Variants in BCAS3 observed in about 807,000 individuals in gnomAD.
The protein encoded by BCAS3 is BCAS4/BCAS3 fusion.
BCAS3 carries 53 observed loss-of-function variants against 116.1 expected under a neutral mutation model. That is an observed-to-expected ratio of 0.46 (90% CI 0.37 to 0.57). BCAS3 has a LOEUF of 0.57. Among genes scored for constraint, BCAS3 ranks in the 20% least tolerant of loss-of-function variants. The probability of loss-of-function intolerance (pLI) is 0.00; values close to 1 mark genes in which losing one functional copy is unlikely to be tolerated. For missense variants in BCAS3, 917 were observed against 1,165.4 expected (o/e 0.79, Z 3.10); for synonymous variants, 391 against 408.2 (o/e 0.96, Z 0.51).
Position 61,034,722 on chromosome 17 carries a change from G to A in BCAS3, c.1694G>A (p.Cys565Tyr). 1.2e-6 allele frequency: 2 copies of A among 1,612,700 alleles called. No individual in the cohort carries two copies. Among genetic ancestry groups the A allele is most frequent in the Non-Finnish European group, 1.7e-6 (2 of 1,178,962 alleles). ...AGCAAATCGATGGGCGGAGAATTTT[G>A]TGTGGCTGCTATCTTCGGAACATCC... is the stretch of plus-strand genomic sequence containing the variant. ...SPSKSMGGEF[C>Y]VAAIFGTSRS... Residue 565 changes from cysteine (C) to tyrosine (Y), a missense_variant, in exon 17 of 24, where the codon TGT becomes TAT. By Grantham distance (194) the Cys-to-Tyr change is radical. Transcript: ENST00000407086. This position sits in a 1 kb window ranked among gnomAD's most constrained non-coding sequence, Gnocchi z 5.0.
chr17:61,209,965 C>T (rs535533858), intron 22 of BCAS3, among the ~76,000 whole-genome samples: 1 of 152,278 alleles, frequency 6.6e-6, no homozygotes, highest in East Asian at 1.9e-4. Context: ...GGTGGCTTCC[C>T]TGGATCATTT....
intron 4 of BCAS3, among the ~76,000 whole-genome samples, chr17:60,698,318 A>G: frequency 6.6e-6 from 1 of 152,142 alleles, no homozygotes; most frequent in Non-Finnish European, 1.5e-5. Context: ...GAATAATATA[A>G]CATTTCTACA....
rs147372083 is a variant in BCAS3, at chr17:61,184,987, G to A, written c.2425+100423G>A. Among the ~76,000 whole-genome samples the A allele has an allele frequency of 7.9e-3, 1,199 of 151,974 alleles. 5 individuals carry two copies. The highest frequency in any genetic ancestry group is 0.012 in the Non-Finnish European group (795 of 67,904). The stretch of plus-strand genomic sequence containing the variant: ...GATAAGGGGACTTTTTGGAGTGATG[G>A]AAATATTCTATATCTTGATTATAGT... On this transcript the variant is annotated intron_variant, in intron 22 of 23. Transcript: ENST00000407086.
At chr17:61,260,736 AT>A (rs2049131243) in intron 22 of BCAS3, among the ~76,000 whole-genome samples, 1 of 152,266 alleles carries the variant, frequency 6.6e-6, no homozygotes, top group Non-Finnish European at 1.5e-5. Context: ...ACCGACTAAC[AT>A]AGTTTAGTAA....
In BCAS3 at chr17:61,208,801, C is replaced by T. The variant is rs922926882; in HGVS notation, c.2425+124237C>T. Reference sequence around the variant, plus strand: ...GCCCTTGTCAGCTCGCTGGTGCTCTCTGCAAACTTGCAGTGCAAGTCTATG... The same window carrying T: ...GCCCTTGTCAGCTCGCTGGTGCTCTTTGCAAACTTGCAGTGCAAGTCTATG... On this transcript the variant is annotated intron_variant, in intron 22 of 23. Coordinates refer to ENST00000407086, the MANE Select transcript of BCAS3 (RefSeq NM_017679.5). The surrounding 1 kb of genome is among the most constrained non-coding windows in gnomAD (Gnocchi z 4.5). 6.6e-6 allele frequency among the ~76,000 whole-genome samples: 1 copy of T among 151,152 alleles called. No individual in the cohort carries two copies. Among genetic ancestry groups the T allele is most frequent in the Non-Finnish European group, 1.5e-5 (1 of 67,960 alleles).
intron 22 of BCAS3, among the ~76,000 whole-genome samples, chr17:61,274,242 GAAT>G (rs994113906): frequency 5.4e-5 from 8 of 148,494 alleles, no homozygotes; most frequent in African/African-American, 1.7e-4. Context: ...AGTTTGCTGA[GAAT>G]GATGGTTGTG....
intron 22 of BCAS3, among the ~76,000 whole-genome samples, chr17:61,129,998 AG>A (rs1156375702): frequency 6.6e-6 from 1 of 152,226 alleles, no homozygotes; most frequent in East Asian, 1.9e-4. Flanking sequence ...CTTGTTTTGT[AG>A]CTTTTTGTTT....
chr17:61,005,104 T>A (rs1314609670), intron 15 of BCAS3, among the ~76,000 whole-genome samples: 1 of 152,060 alleles, frequency 6.6e-6, no homozygotes, highest in Non-Finnish European at 1.5e-5. Context: ...GAGTCATTAT[T>A]TCTCAACTGG....
chr17:61,391,859 G>A lies in BCAS3; in HGVS notation c.2594-118G>A. The A allele has an allele frequency of 1.8e-6, 2 of 1,125,320 alleles. No individual in the cohort carries two copies. The highest frequency in any genetic ancestry group is 2.5e-6 in the Non-Finnish European group (2 of 787,464). 69.7% of individuals were successfully genotyped at this position (1,125,320 alleles called of 1,614,324 possible). A position where few individuals can be genotyped will look rare whatever the true frequency, so the allele number is the denominator to read the frequency against. On this transcript the variant is annotated intron_variant, in intron 23 of 23. Transcript: ENST00000407086. The surrounding 1 kb of genome is among the most constrained non-coding windows in gnomAD (Gnocchi z 7.7). ...CCAGGGAGCAGGCGGGGATCCCCCT[G>A]CGGAAGGACACAAGTGAACCCAGAA...
intron 7 of BCAS3, among the ~76,000 whole-genome samples, chr17:60,813,588 C>A (rs2049047498): frequency 6.6e-6 from 1 of 152,116 alleles, no homozygotes; most frequent in Admixed American, 6.6e-5. Context: ...TACAGATATT[C>A]ACAAACTGTG....
rs895494465 is a variant in BCAS3, at chr17:61,376,078, G to C, written c.2593+7584G>C. On this transcript the variant is annotated intron_variant, in intron 23 of 23. Transcript: ENST00000407086. This position sits in a 1 kb window ranked among gnomAD's most constrained non-coding sequence, Gnocchi z 4.5. ...GAACTTTATCCAGTCCAGCCCTAGG[G>C]GTAGATAGATGCATCCTACTGGCCC... 6.6e-6 allele frequency among the ~76,000 whole-genome samples: 1 copy of C among 152,128 alleles called. No homozygotes were observed. The highest frequency in any genetic ancestry group is 2.4e-5 in the African/African-American group (1 of 41,404).
At chr17:60,724,438 A>C (rs1333591937) in intron 5 of BCAS3, among the ~76,000 whole-genome samples, 1 of 147,472 alleles carries the variant, frequency 6.8e-6, no homozygotes, top group Non-Finnish European at 1.5e-5. Flanking sequence ...AAAAAAAAAA[A>C]AAAAGGCCGG....
chr17:61,084,326 G>T lies in BCAS3; in HGVS notation c.2328-141G>T. 1.6e-6 allele frequency: 1 copy of T among 628,824 alleles called. No homozygotes were observed. Among genetic ancestry groups the T allele is most frequent in the Non-Finnish European group, 2.7e-6 (1 of 367,708 alleles). The allele number at this position is 628,824 out of a possible 1,614,324, so 39.0% of individuals were successfully genotyped here. ...CCTTGTGCAGCAATTAGGGACTGCAGCTCCCCTGTTTGTCTTGTTTTAGAA... is the reference window on the plus strand; with the variant it reads ...CCTTGTGCAGCAATTAGGGACTGCATCTCCCCTGTTTGTCTTGTTTTAGAA... On this transcript the variant is annotated intron_variant, in intron 21 of 23. Coordinates refer to ENST00000407086, the MANE Select transcript of BCAS3 (RefSeq NM_017679.5). This position sits in a 1 kb window ranked among gnomAD's most constrained non-coding sequence, Gnocchi z 5.5.
At chr17:60,807,109 A>G (rs1309731245) in intron 6 of BCAS3, among the ~76,000 whole-genome samples, 3 of 152,218 alleles carry the variant, frequency 2.0e-5, no homozygotes, top group Non-Finnish European at 4.4e-5. Flanking sequence ...TTTTGTTCAT[A>G]TGATTAGGTA....
At position 61,068,391 on chromosome 17, in the gene BCAS3, C is replaced by T. The variant is rs1328018288; in HGVS notation, c.2030-6529C>T. ...GGGGACATTTTGTCCTAATTGTCAC[C>T]ACTGACATGTCCCATTTCCCCACCA... On this transcript the variant is annotated intron_variant, in intron 19 of 23. Transcript: ENST00000407086. This position sits in a 1 kb window ranked among gnomAD's most constrained non-coding sequence, Gnocchi z 4.3. 1.3e-5 allele frequency among the ~76,000 whole-genome samples: 2 copies of T among 152,082 alleles called. No homozygotes were observed. Among genetic ancestry groups the T allele is most frequent in the African/African-American group, 2.4e-5 (1 of 41,400 alleles).
At position 61,349,696 on chromosome 17, in the gene BCAS3, G is replaced by A. The variant is rs1259975538; in HGVS notation, c.2426-18631G>A. ...GGTACCATATGTAGACAAAGAAGAC[G>A]TTTTTGGGCAATTGCCATGGAAAGA... On this transcript the variant is annotated intron_variant, in intron 22 of 23. Coordinates refer to ENST00000407086, the MANE Select transcript of BCAS3 (RefSeq NM_017679.5). This position sits in a 1 kb window ranked among gnomAD's most constrained non-coding sequence, Gnocchi z 4.7. Among the ~76,000 whole-genome samples the A allele has an allele frequency of 4.6e-5, 7 of 152,188 alleles. No homozygotes were observed. The highest frequency in any genetic ancestry group is 2.1e-4 in the South Asian group (1 of 4,812).
rs1242157767 is a variant in BCAS3, at chr17:61,380,706, G to A, written c.2594-11271G>A. 1 of 738,588 alleles carries A rather than the reference G, an allele frequency of 1.4e-6. No homozygotes were observed. Among genetic ancestry groups the A allele is most frequent in the African/African-American group, 1.8e-5 (1 of 57,120 alleles). 45.8% of individuals were successfully genotyped at this position (738,588 alleles called of 1,614,324 possible). On this transcript the variant is annotated intron_variant, in intron 23 of 23. Coordinates refer to ENST00000407086, the MANE Select transcript of BCAS3 (RefSeq NM_017679.5). The surrounding 1 kb of genome is among the most constrained non-coding windows in gnomAD (Gnocchi z 4.2). ...AGGGAGGGCAGGGGTCAGCTCAGAT[G>A]GGAGGTCTCTTCTGGAAGGGGACTG... is the stretch of plus-strand genomic sequence containing the variant.
chr17:60,908,489 G>A (rs1421022737), intron 11 of BCAS3, among the ~76,000 whole-genome samples: 1 of 152,174 alleles, frequency 6.6e-6, no homozygotes, highest in Non-Finnish European at 1.5e-5. Context: ...CATTAATGGA[G>A]TGAGTACATC....
At chr17:61,036,559 T>A (rs1035508252) in intron 17 of BCAS3, among the ~76,000 whole-genome samples, 2 of 152,160 alleles carry the variant, frequency 1.3e-5, no homozygotes, top group African/African-American at 4.8e-5. Flanking sequence ...CTAATTACCT[T>A]TTTAACTTTC....
Sources: gnomAD v4.1 joint callset for allele counts (sites outside exome capture counted in the v4.1 genomes callset) on GRCh38, gnomAD v4.1.1 for gene constraint, Gnocchi (gnomAD v3.1) non-coding constraint, MANE v1.5 for transcripts, NCBI Gene and HGNC (gene_info 2026-07-23, HGNC 2026-07-21) for gene names.